The following DNMBP variants were observed in gnomAD, a reference collection of about 807,000 sequenced individuals.
DNMBP encodes dynamin-binding protein.
DNMBP carries 87 observed loss-of-function variants against 150.0 expected under a neutral mutation model. The observed-to-expected ratio is 0.58, with a 90% CI of 0.49 to 0.69. The LOEUF (loss-of-function observed/expected upper bound fraction) is 0.69. Ranked by LOEUF, DNMBP falls within the 30% of genes least tolerant of loss-of-function variation. The probability of loss-of-function intolerance (pLI) is 0.00; values close to 1 mark genes in which losing one functional copy is unlikely to be tolerated. For synonymous variants in DNMBP, 711 were observed against 750.4 expected (o/e 0.95, Z 0.86); for missense variants, 1,774 against 1,949.0 (o/e 0.91, Z 1.69).
At chr10:99,950,313 G>A (rs939775019) in intron 4 of DNMBP, among the ~76,000 whole-genome samples, 4 of 152,098 alleles carry the variant, frequency 2.6e-5, no homozygotes, top group Non-Finnish European at 4.4e-5. Context: ...TAAATTGCCC[G>A]GTCTTGGGTA....
At chr10:99,887,493 C>T (rs561224003) in intron 12 of DNMBP, among the ~76,000 whole-genome samples, 19 of 152,090 alleles carry the variant, frequency 1.2e-4, no homozygotes, top group African/African-American at 4.3e-4. Context: ...TGCCACTGCA[C>T]TCCAGCCTGG....
intron 1 of DNMBP, among the ~76,000 whole-genome samples, chr10:100,003,536 C>T (rs934188136): frequency 2.0e-5 from 3 of 152,082 alleles, no homozygotes; most frequent in Non-Finnish European, 2.9e-5. Context: ...GCTGAATAAA[C>T]GGAAAGACAC....
At chr10:100,001,937 T>A (rs142811949) in intron 1 of DNMBP, among the ~76,000 whole-genome samples, 47 of 152,264 alleles carry the variant, frequency 3.1e-4, no homozygotes, top group African/African-American at 1.1e-3. Context: ...TGACAATGAC[T>A]CTGGGCTGTT....
At chr10:99,977,184 C>T (rs1403549129) in intron 1 of DNMBP, among the ~76,000 whole-genome samples, 3 of 152,122 alleles carry the variant, frequency 2.0e-5, no homozygotes, top group Non-Finnish European at 4.4e-5. Context: ...AGCACACACC[C>T]TAGAAGGGTA....
chr10:99,885,726 G>A lies in DNMBP; in HGVS notation c.3759C>T (p.Thr1253=), dbSNP rs977199168. 1.9e-6 allele frequency: 3 copies of A among 1,589,258 alleles called. No homozygotes were observed. The highest frequency in any genetic ancestry group is 2.6e-6 in the Non-Finnish European group (3 of 1,165,896). The change falls in exon 14 of 17, where the codon ACC becomes ACT. Residue 1253 remains threonine, a synonymous_variant. Transcript: ENST00000324109. ...GCTTTCGAGCAGACTGGCGGTCAATGGTTTTCCTCTCAAATGGCTTCTTGG... is the reference window on the plus strand; with the variant it reads ...GCTTTCGAGCAGACTGGCGGTCAATAGTTTTCCTCTCAAATGGCTTCTTGG... ...PATKKPFERK[T]IDRQSARKPL... is the part of the protein sequence containing the mutation.
intron 4 of DNMBP, among the ~76,000 whole-genome samples, chr10:99,922,505 T>A (rs2040033729): frequency 1.0e-5 from 1 of 96,484 alleles, no homozygotes; most frequent in South Asian, 4.2e-4. Context: ...TGCTGCTGTT[T>A]TTTTTTTTTT....
intron 1 of DNMBP, among the ~76,000 whole-genome samples, chr10:99,984,354 C>T (rs147990651): frequency 1.3e-5 from 2 of 152,268 alleles, no homozygotes; most frequent in Non-Finnish European, 2.9e-5. Context: ...GAACCACTGA[C>T]TCATAACTAA....
At chr10:99,903,026 C>G (rs2039768616) in intron 6 of DNMBP, among the ~76,000 whole-genome samples, 1 of 152,014 alleles carries the variant, frequency 6.6e-6, no homozygotes, top group Admixed American at 6.6e-5. Flanking sequence ...CCTCCAACAC[C>G]TGGGCTCAAC....
intron 16 of DNMBP, among the ~76,000 whole-genome samples, chr10:99,879,358 G>C (rs758019916): frequency 6.6e-6 from 1 of 152,084 alleles, no homozygotes; most frequent in South Asian, 2.1e-4. Context: ...CAGCTACTCA[G>C]GAAGCTGAGG....
chr10:99,904,143 T>G (rs2039787499), intron 6 of DNMBP, among the ~76,000 whole-genome samples: 1 of 152,002 alleles, frequency 6.6e-6, no homozygotes, highest in African/African-American at 2.4e-5. Context: ...TAGTCCCAGC[T>G]ACTAGGGAGG....
rs766744153 is a variant in DNMBP at position 99,898,079 on chromosome 10, T to C, written c.2920+7A>G. On this transcript the variant is annotated splice_region_variant and intron_variant, in intron 9 of 16. Coordinates refer to ENST00000324109, the MANE Select transcript of DNMBP (RefSeq NM_015221.4). ...TACCTCCTTTTCAGCAATTATGCTG[T>C]TCTTACCCAGGTCCTTTCGCCGTTT... The C allele has an allele frequency of 6.2e-7, 1 of 1,612,332 alleles. No homozygotes were observed. The highest frequency in any genetic ancestry group is 8.5e-7 in the Non-Finnish European group (1 of 1,178,320).
intron 1 of DNMBP, among the ~76,000 whole-genome samples, chr10:99,972,756 G>A (rs115743567): frequency 0.025 from 3,764 of 152,160 alleles, 92 homozygotes; most frequent in African/African-American, 0.066. Flanking sequence ...AACTACAGGC[G>A]CACACCACTG....
Position 99,911,559 on chromosome 10 carries a change from T to A in DNMBP, c.2261-2413A>T, listed in dbSNP as rs1347188328. Among the ~76,000 whole-genome samples, 6 of 152,130 alleles carry A rather than the reference T, an allele frequency of 3.9e-5. No individual in the cohort carries two copies. In the East Asian group the frequency reaches 1.2e-3, roughly 29 times the overall value. On this transcript the variant is annotated intron_variant, in intron 4 of 16. Coordinates refer to ENST00000324109, the MANE Select transcript of DNMBP (RefSeq NM_015221.4). ...CACAATATATGCAATGTACTCTTAG[T>A]TCATTAAAGAAAAAAAAACTGCATG... is the stretch of plus-strand genomic sequence containing the variant.
intron 1 of DNMBP, among the ~76,000 whole-genome samples, chr10:99,998,781 A>C (rs1311800715): frequency 2.6e-5 from 4 of 152,176 alleles, no homozygotes; most frequent in Non-Finnish European, 5.9e-5. Context: ...TACATAAATA[A>C]AAGGGAATCC....
chr10:99,895,284 G>A (rs1035813051), intron 10 of DNMBP, among the ~76,000 whole-genome samples: 2 of 151,924 alleles, frequency 1.3e-5, no homozygotes, highest in African/African-American at 4.8e-5. Context: ...GCATCACCAC[G>A]CCCAGCTCAT....
rs775474951 is a variant in DNMBP at position 99,955,717 on chromosome 10, T to C, written c.1757A>G (p.Lys586Arg). ...CTTTGAGGAACCTCGGACAATATCC[T>C]TCTCAGAGTTAAAGTCCATGATTGA... The part of the protein sequence containing the change: ...HFSIMDFNSE[K>R]DIVRGSSKLI... Residue 586 changes from lysine to arginine, a missense_variant, in exon 4 of 17, where the codon AAG (lysine) becomes AGG (arginine). Physicochemically the swap from Lys to Arg is conservative, Grantham distance 26. Transcript: ENST00000324109. The C allele has an allele frequency of 7.4e-6, 12 of 1,614,126 alleles. No individual in the cohort carries two copies. In the African/African-American group the frequency reaches 1.6e-4, roughly 22 times the overall value.
chr10:99,888,315 A>G (rs1044422286), intron 12 of DNMBP, among the ~76,000 whole-genome samples: 3 of 151,742 alleles, frequency 2.0e-5, no homozygotes, highest in Non-Finnish European at 2.9e-5. Flanking sequence ...GGTTCAAGCT[A>G]TTCTCCAGCC....
At chr10:99,995,123 G>T (rs2040937693) in intron 1 of DNMBP, among the ~76,000 whole-genome samples, 1 of 151,276 alleles carries the variant, frequency 6.6e-6, no homozygotes, top group African/African-American at 2.4e-5. Flanking sequence ...TGCGATGACA[G>T]CTCACTGCAG....
chr10:99,913,668 C>T (rs952831995), intron 4 of DNMBP, among the ~76,000 whole-genome samples: 2 of 152,054 alleles, frequency 1.3e-5, no homozygotes, highest in African/African-American at 4.8e-5. Context: ...TCCATTCCTT[C>T]TCAAGACACC....
Sources: allele counts gnomAD v4.1 joint callset (sites outside exome capture counted in the v4.1 genomes callset), GRCh38; gene constraint gnomAD v4.1.1; transcripts MANE v1.5; gene names NCBI Gene and HGNC (gene_info 2026-07-23, HGNC 2026-07-21).